Variants in PCDHGB2 observed in about 807,000 individuals in gnomAD.
PCDHGB2 encodes protocadherin gamma-B2.
PCDHGB2 carries 55 observed loss-of-function variants against 59.3 expected under a neutral mutation model. The ratio of observed to expected loss-of-function variants is 0.93; its 90% CI spans 0.75 to 1.16. The LOEUF is 1.16. Ranked by LOEUF, PCDHGB2 falls within the 50% of genes most tolerant of loss-of-function variation. PCDHGB2 has a pLI of 0.00. For synonymous variants in PCDHGB2, 516 were observed against 512.0 expected (o/e 1.01, Z -0.11); for missense variants, 1,228 against 1,198.5 (o/e 1.02, Z -0.36).
intron 1 of PCDHGB2, chr5:141,393,493 G>A (rs1034199960): frequency 6.2e-7 from 1 of 1,614,046 alleles, no homozygotes; most frequent in Non-Finnish European, 8.5e-7. Context: ...AGCACAGTGC[G>A]CATCCACGTG....
intron 1 of PCDHGB2, among the ~76,000 whole-genome samples, chr5:141,380,809 T>G (rs1475702152): frequency 6.6e-6 from 1 of 152,192 alleles, no homozygotes; most frequent in Non-Finnish European, 1.5e-5. Flanking sequence ...AAATGTGAGA[T>G]GAAACTATGA....
chr5:141,393,898 C>T lies in PCDHGB2; in HGVS notation c.2421+31342C>T, dbSNP rs182092307. On this transcript the variant is annotated intron_variant, in intron 1 of 3. Transcript: ENST00000522605. ...AGCCCAGTGTTAGAAAATTCTCTTC[C>T]CGGGACAGTAATTGCCTTCTTGAGT... The T allele has an allele frequency of 3.0e-5, 49 of 1,613,956 alleles. No individual in the cohort carries two copies. The African/African-American group carries it at 5.1e-4, about 17-fold the overall frequency.
chr5:141,362,819 G>T lies in PCDHGB2; in HGVS notation c.2421+263G>T, dbSNP rs73265837. On this transcript the variant is annotated intron_variant, in intron 1 of 3. Transcript: ENST00000522605. Reference sequence around the variant, plus strand: ...CATCTTTACATTACTTCTCTCTGCAGATTTGTTGCTATTGAGACTTTAGGC... The same window carrying T: ...CATCTTTACATTACTTCTCTCTGCATATTTGTTGCTATTGAGACTTTAGGC... 9.1e-3 allele frequency among the ~76,000 whole-genome samples: 1,386 copies of T among 152,280 alleles called. 21 individuals are homozygous for T. Among genetic ancestry groups the T allele is most frequent in the African/African-American group, 0.032 (1,315 of 41,542 alleles).
chr5:141,399,543 C>T (rs2093831494), intron 1 of PCDHGB2: 3 of 1,614,042 alleles, frequency 1.9e-6, no homozygotes, highest in Non-Finnish European at 2.5e-6. Flanking sequence ...AAGTCTGCGC[C>T]TCGGACCTGG....
At chr5:141,448,480 C>A (rs889742803) in intron 1 of PCDHGB2, among the ~76,000 whole-genome samples, 1 of 152,184 alleles carries the variant, frequency 6.6e-6, no homozygotes, top group Admixed American at 6.6e-5. Flanking sequence ...ACCCTTGCTT[C>A]CTCCTGTCCC....
At chr5:141,377,760 A>T (rs991785557) in intron 1 of PCDHGB2, 3 of 152,200 alleles carry the variant, frequency 2.0e-5, no homozygotes, top group South Asian at 4.1e-4. Context: ...GGGACACCAG[A>T]TCTTTGGTGT....
intron 2 of PCDHGB2, among the ~76,000 whole-genome samples, chr5:141,501,212 A>G (rs936235563): frequency 1.9e-4 from 29 of 150,770 alleles, no homozygotes; most frequent in Admixed American, 1.8e-3. Flanking sequence ...TGTCAGGGTG[A>G]CTTCCTAGAT....
rs776293224 is a variant in PCDHGB2, at chr5:141,477,889, A to G, written c.2422-16918A>G. Reference sequence around the variant, plus strand: ...GTACCTCAGCTGGCCACCTAGTGTCACGGGTGGTAGGCTGGGACGCGGATG... The same window carrying G: ...GTACCTCAGCTGGCCACCTAGTGTCGCGGGTGGTAGGCTGGGACGCGGATG... On this transcript the variant is annotated intron_variant, in intron 1 of 3. Coordinates refer to ENST00000522605, the MANE Select transcript of PCDHGB2 (RefSeq NM_018923.3). This position sits in a 1 kb window ranked among gnomAD's most constrained non-coding sequence, Gnocchi z 4.9. The G allele has an allele frequency of 1.8e-5, 29 of 1,614,034 alleles. No individual in the cohort carries two copies. Among genetic ancestry groups the G allele is most frequent in the Non-Finnish European group, 2.5e-5 (29 of 1,180,026 alleles).
At chr5:141,370,623 G>T (rs1269464778) in intron 1 of PCDHGB2, 3 of 1,613,940 alleles carry the variant, frequency 1.9e-6, no homozygotes, top group African/African-American at 1.3e-5. Flanking sequence ...ATTCTTTACC[G>T]TGAGCCCCGA....
At chr5:141,449,251 A>T (rs918418872) in intron 1 of PCDHGB2, among the ~76,000 whole-genome samples, 10 of 152,256 alleles carry the variant, frequency 6.6e-5, no homozygotes, top group Middle Eastern at 3.4e-3. Flanking sequence ...AGTTGCAAGA[A>T]TTGTACAAAG....
chr5:141,481,762 G>A (rs1378950651), intron 1 of PCDHGB2, among the ~76,000 whole-genome samples: 3 of 152,126 alleles, frequency 2.0e-5, no homozygotes, highest in African/African-American at 2.4e-5. Flanking sequence ...GACCAGCCTG[G>A]CCAACATGGT....
chr5:141,419,069 C>G, intron 1 of PCDHGB2: 1 of 1,613,912 alleles, frequency 6.2e-7, no homozygotes, highest in Admixed American at 1.7e-5. Context: ...TTACTACAAG[C>G]TAGTAACAGA....
chr5:141,446,188 T>G (rs566309564), intron 1 of PCDHGB2, among the ~76,000 whole-genome samples: 28 of 152,326 alleles, frequency 1.8e-4, no homozygotes, highest in African/African-American at 6.3e-4. Context: ...TTTTGTTTAT[T>G]ATTATATTCC....
At chr5:141,421,633 G>A (rs1369645749) in intron 1 of PCDHGB2, 3 of 1,613,834 alleles carry the variant, frequency 1.9e-6, no homozygotes, top group Non-Finnish European at 2.5e-6. Context: ...CAGCTTCCAG[G>A]AGGACGAAGT....
intron 1 of PCDHGB2, chr5:141,399,528 C>A: frequency 6.2e-7 from 1 of 1,614,046 alleles, no homozygotes; most frequent in Non-Finnish European, 8.5e-7. Flanking sequence ...GGGCCTCCAT[C>A]GCGCAAGTCT....
At chr5:141,407,703 G>T (rs1016806853) in intron 1 of PCDHGB2, among the ~76,000 whole-genome samples, 1 of 152,096 alleles carries the variant, frequency 6.6e-6, no homozygotes, top group Admixed American at 6.6e-5. Context: ...ATTGTTGAAG[G>T]TGGGGTGATG....
In PCDHGB2 at chr5:141,477,053, G is replaced by A; in HGVS notation, c.2422-17754G>A. On this transcript the variant is annotated intron_variant, in intron 1 of 3. Transcript: ENST00000522605. This position sits in a 1 kb window ranked among gnomAD's most constrained non-coding sequence, Gnocchi z 4.9. ...GACAATCAAGGGTCGGCTGGACTTC[G>A]AGGACACCAAACTCCATGAGATTTA... The A allele has an allele frequency of 1.9e-6, 3 of 1,614,230 alleles. No homozygotes were observed. The highest frequency in any genetic ancestry group is 2.5e-6 in the Non-Finnish European group (3 of 1,180,032).
At chr5:141,394,168 T>G in intron 1 of PCDHGB2, 1 of 1,613,752 alleles carries the variant, frequency 6.2e-7, no homozygotes, top group Non-Finnish European at 8.5e-7. Flanking sequence ...CCTCCTACTT[T>G]CCCTCATGCC....
chr5:141,395,363 T>C (rs2093221465), intron 1 of PCDHGB2: 2 of 1,278,044 alleles, frequency 1.6e-6, no homozygotes, highest in Admixed American at 5.9e-5. Context: ...GTTTTGGGTT[T>C]ATTTTGGTGG....
Sources: allele counts gnomAD v4.1 joint callset (sites outside exome capture counted in the v4.1 genomes callset), GRCh38; gene constraint gnomAD v4.1.1; non-coding constraint Gnocchi (gnomAD v3.1); transcripts MANE v1.5; gene names NCBI Gene and HGNC (gene_info 2026-07-23, HGNC 2026-07-21).